Variants in CRYM observed in about 807,000 individuals in gnomAD.
CRYM encodes crystallin mu.
CRYM carries 18 observed loss-of-function variants against 32.9 expected under a neutral mutation model. That is an observed-to-expected ratio of 0.55 (90% CI 0.38 to 0.81). The LOEUF (loss-of-function observed/expected upper bound fraction) is 0.81. CRYM is among the 30% of genes least tolerant of loss of function. The pLI is 0.00. For synonymous variants in CRYM, 153 were observed against 152.4 expected, an observed-to-expected ratio of 1.00 and a Z score of -0.03; for missense variants, 337 against 393.5, an observed-to-expected ratio of 0.86 and a Z score of 1.21.
At chr16:21,262,334 T>C (rs1038393901) in intron 5 of CRYM, 176 bp from the exon 6 acceptor site, 4 of 706,674 alleles carry the variant, frequency 5.7e-6, no homozygotes, top group African/African-American at 5.3e-5. Context: ...TATTAAGAAA[T>C]AGGCCAGGTG....
At chr16:21,283,729 C>A (rs2093402345) in intron 1 of CRYM, 4 of 152,016 alleles carry the variant, frequency 2.6e-5, no homozygotes, top group Admixed American at 2.0e-4. Context: ...GCACCTTCCG[C>A]GCGTCCCCGG....
At chr16:21,270,532 C>T (rs996069498) in intron 3 of CRYM, among the ~76,000 whole-genome samples, 2 of 152,150 alleles carry the variant, frequency 1.3e-5, no homozygotes, top group Non-Finnish European at 2.9e-5. Flanking sequence ...GATCTGTGCA[C>T]CTCGGCCTCC....
chr16:21,267,495 C>T (rs761512349), intron 5 of CRYM, 59 bp downstream of exon 5: 29 of 1,564,634 alleles, frequency 1.9e-5, no homozygotes, highest in Admixed American at 5.0e-5. Context: ...GTCGACTGGT[C>T]CCGTCTAGAG....
At chr16:21,292,455 TG>T (rs1567241195) in intron 1 of CRYM, among the ~76,000 whole-genome samples, 1 of 152,136 alleles carries the variant, frequency 6.6e-6, no homozygotes, top group Non-Finnish European at 1.5e-5. Flanking sequence ...ACCTTATTCA[TG>T]GATCAGAAGA....
intron 5 of CRYM, among the ~76,000 whole-genome samples, chr16:21,262,685 C>CA (rs750101886): frequency 2.0e-5 from 3 of 152,116 alleles, no homozygotes; most frequent in Admixed American, 6.6e-5. Flanking sequence ...TATCCCACCT[C>CA]ATTGCTAAAA....
chr16:21,273,837 A>G (rs952222756), intron 3 of CRYM, among the ~76,000 whole-genome samples: 1 of 152,214 alleles, frequency 6.6e-6, no homozygotes, highest in East Asian at 1.9e-4. Context: ...GTAATACAAG[A>G]TTCATTCTGT....
At chr16:21,280,645 T>C (rs939003140), upstream of CRYM, among the ~76,000 whole-genome samples, 1 of 152,060 alleles carries the variant, frequency 6.6e-6, no homozygotes, top group East Asian at 1.9e-4. Context: ...ATAAACAGGA[T>C]CTAAGGCCAT....
chr16:21,289,941 T>G (rs908427484), intron 1 of CRYM, among the ~76,000 whole-genome samples: 1 of 150,584 alleles, frequency 6.6e-6, no homozygotes, highest in African/African-American at 2.4e-5. Flanking sequence ...TCTGTAAAAT[T>G]GCACCAATCA....
chr16:21,273,467 T>G (rs1431155394), intron 3 of CRYM, among the ~76,000 whole-genome samples: 1 of 152,232 alleles, frequency 6.6e-6, no homozygotes, highest in East Asian at 1.9e-4. Flanking sequence ...TTTTTATTAA[T>G]GCAACAAAGC....
intron 1 of CRYM, among the ~76,000 whole-genome samples, chr16:21,291,506 C>T (rs1960655337): frequency 6.6e-6 from 1 of 152,074 alleles, no homozygotes; most frequent in African/African-American, 2.4e-5. Flanking sequence ...ACTTGCTCAA[C>T]ACCACAAAAT....
At chr16:21,287,395 A>G (rs766769781) in intron 1 of CRYM, among the ~76,000 whole-genome samples, 8 of 152,224 alleles carry the variant, frequency 5.3e-5, no homozygotes, top group Non-Finnish European at 1.0e-4. Context: ...CAGAGCTCCC[A>G]CAGTCCTTGG....
Position 21,302,051 on chromosome 16 carries a change from A to T in CRYM, c.-193+927T>A, listed in dbSNP as rs185094669. Among the ~76,000 whole-genome samples the T allele has an allele frequency of 4.6e-5, 7 of 152,342 alleles. No individual in the cohort carries two copies. The East Asian group carries it at 1.3e-3, about 29-fold the overall frequency. ...ACTCACGCATATAAATCCTCCAGAG[A>T]CTTCCTCATCCCCCCGCCAACACAC... On this transcript the variant is annotated intron_variant, in intron 1 of 9. Transcript: ENST00000219599.
intron 1 of CRYM, among the ~76,000 whole-genome samples, chr16:21,295,130 C>T (rs895803731): frequency 1.3e-5 from 2 of 152,168 alleles, no homozygotes; most frequent in African/African-American, 4.8e-5. Context: ...GATAAACATA[C>T]ATGTGCATGT....
At chr16:21,293,448 A>G (rs1017655019) in intron 1 of CRYM, among the ~76,000 whole-genome samples, 9 of 152,174 alleles carry the variant, frequency 5.9e-5, no homozygotes, top group African/African-American at 1.9e-4. Flanking sequence ...TAGATCCATC[A>G]TGAGCTGGGA....
At chr16:21,266,757 C>T (rs2093364457) in intron 5 of CRYM, among the ~76,000 whole-genome samples, 1 of 152,128 alleles carries the variant, frequency 6.6e-6, no homozygotes, top group South Asian at 2.1e-4. Flanking sequence ...TCAGTCGCAG[C>T]ACTTTGGGAG....
At chr16:21,282,158 G>C (rs529960754), upstream of CRYM, among the ~76,000 whole-genome samples, 1 of 152,162 alleles carries the variant, frequency 6.6e-6, no homozygotes, top group Non-Finnish European at 1.5e-5. Flanking sequence ...AATGGGAGTT[G>C]CCCTGCACAA....
At chr16:21,259,856 A>G (rs2093351148) in intron 7 of CRYM, among the ~76,000 whole-genome samples, 1 of 152,222 alleles carries the variant, frequency 6.6e-6, no homozygotes, top group South Asian at 2.1e-4. Context: ...ACAATGCACC[A>G]ATAAACTGAT....
At chr16:21,302,691 G>A (rs1960982334) in intron 1 of CRYM, among the ~76,000 whole-genome samples, 1 of 152,166 alleles carries the variant, frequency 6.6e-6, no homozygotes, top group African/African-American at 2.4e-5. Context: ...GGCTCTCAGG[G>A]AAGTTAGGCT....
At chr16:21,260,992 G>T in intron 7 of CRYM, 1 of 548,592 alleles carries the variant, frequency 1.8e-6, no homozygotes, top group Non-Finnish European at 3.3e-6. Flanking sequence ...AACAGGTGGT[G>T]AGGAAACTGA....
Sources: gnomAD v4.1 joint callset for allele counts (sites outside exome capture counted in the v4.1 genomes callset) on GRCh38, gnomAD v4.1.1 for gene constraint, MANE v1.5 for transcripts, NCBI Gene and HGNC (gene_info 2026-07-23, HGNC 2026-07-21) for gene names.